MYO5C: variants seen among roughly 807,000 people sequenced by gnomAD.
MYO5C encodes the protein myosin VC.
A neutral mutation model predicts 235.7 loss-of-function variants in MYO5C; 194 were observed. That is an observed-to-expected ratio of 0.82 (90% CI 0.73 to 0.93). The LOEUF is 0.93. Ranked by LOEUF, MYO5C falls within the 40% of genes least tolerant of loss-of-function variation. MYO5C has a pLI of 0.00. For synonymous variants in MYO5C, 707 were observed against 754.8 expected, an observed-to-expected ratio of 0.94 and a Z score of 1.04; for missense variants, 2,038 against 2,127.2, an observed-to-expected ratio of 0.96 and a Z score of 0.82.
chr15:52,260,711 A>G (rs2036675146), intron 10 of MYO5C, 151 bp downstream of exon 10: 1 of 789,366 alleles, frequency 1.3e-6, no homozygotes, highest in East Asian at 2.7e-5. Flanking sequence ...ATAGCCCAGG[A>G]GAGTGTACTT....
intron 1 of MYO5C, among the ~76,000 whole-genome samples, chr15:52,285,384 A>G (rs62015972): frequency 0.57 from 82,600 of 145,568 alleles, 27,272 homozygotes; most frequent in Non-Finnish European, 0.73. Context: ...AAAAAAAAAC[A>G]AACAGGCTCT....
At chr15:52,262,544 G>A (rs758477291) in intron 9 of MYO5C, among the ~76,000 whole-genome samples, 2 of 152,140 alleles carry the variant, frequency 1.3e-5, no homozygotes, top group Non-Finnish European at 2.9e-5. Context: ...CAGGCCTCTC[G>A]TCACCTCTCT....
intron 34 of MYO5C, among the ~76,000 whole-genome samples, chr15:52,212,562 T>G (rs1371519324): frequency 2.0e-5 from 3 of 152,138 alleles, no homozygotes; most frequent in Non-Finnish European, 4.4e-5. Flanking sequence ...CTTTCTGTTT[T>G]GAGATCTTGG....
intron 8 of MYO5C, among the ~76,000 whole-genome samples, chr15:52,268,176 T>G (rs11637680): frequency 6.6e-6 from 1 of 152,134 alleles, no homozygotes; most frequent in Non-Finnish European, 1.5e-5. Flanking sequence ...AAACTCTTAG[T>G]TTTTTACATT....
intron 23 of MYO5C, among the ~76,000 whole-genome samples, chr15:52,235,280 T>C (rs1453324680): frequency 1.3e-5 from 2 of 152,162 alleles, no homozygotes; most frequent in East Asian, 3.8e-4. Flanking sequence ...ACATCAGGAT[T>C]ACCGTAAAGG....
rs189628013 is a variant in MYO5C, at chr15:52,267,772, A to G, written c.940+1981T>C. Among the ~76,000 whole-genome samples the G allele has an allele frequency of 1.1e-4, 16 of 152,092 alleles. No homozygotes were observed. The East Asian group carries it at 3.1e-3, about 29-fold the overall frequency. ...TCACATTCATTTGATCCCAAAGCCT[A>G]CTCTATTTGCCCTACATTATCTTGC... is the stretch of plus-strand genomic sequence containing the variant. On this transcript the variant is annotated intron_variant, in intron 8 of 40. Transcript: ENST00000261839.
chr15:52,294,618 C>T (rs762363565), intron 1 of MYO5C, among the ~76,000 whole-genome samples: 17 of 152,116 alleles, frequency 1.1e-4, no homozygotes, highest in Non-Finnish European at 1.9e-4. Flanking sequence ...TAGTTCCACT[C>T]GTCTGAATAC....
chr15:52,244,724 T>C (rs889712702), intron 18 of MYO5C, among the ~76,000 whole-genome samples, 157 bp from the exon 19 acceptor site: 2 of 152,308 alleles, frequency 1.3e-5, no homozygotes, highest in Non-Finnish European at 2.9e-5. Flanking sequence ...AATGTATACT[T>C]TGAGTTGTTT....
chr15:52,293,923 G>T (rs111671764), intron 1 of MYO5C, among the ~76,000 whole-genome samples: 12 of 152,292 alleles, frequency 7.9e-5, no homozygotes, highest in African/African-American at 2.9e-4. Context: ...CACACCTCCA[G>T]AACAGACAAA....
In MYO5C at chr15:52,287,228, G is replaced by A. The variant is rs145260455; in HGVS notation, c.28-4336C>T. On this transcript the variant is annotated intron_variant, in intron 1 of 40. Transcript: ENST00000261839. ...GTGTAAGTTTTGAGAGAACGAGAATGGAAGAATGACCTGGCAGGCAGTGAC... is the reference window on the plus strand; with the variant it reads ...GTGTAAGTTTTGAGAGAACGAGAATAGAAGAATGACCTGGCAGGCAGTGAC... Among the ~76,000 whole-genome samples, 13 of 152,304 alleles carry A rather than the reference G, an allele frequency of 8.5e-5. No individual in the cohort carries two copies. The East Asian group carries it at 2.5e-3, about 29-fold the overall frequency.
rs765118123 is a variant in MYO5C, at chr15:52,208,558, T to C, written c.4382A>G (p.Glu1461Gly). 2 of 1,613,750 alleles carry C rather than the reference T, an allele frequency of 1.2e-6. No individual in the cohort carries two copies. Among genetic ancestry groups the C allele is most frequent in the East Asian group, 4.5e-5 (2 of 44,866 alleles). ...AAGCAGGTGGGCGCCCCCTACCTCTTCTCCGCTGTACTGCTTCAGGCAATT... is the reference window on the plus strand; with the variant it reads ...AAGCAGGTGGGCGCCCCCTACCTCTCCTCCGCTGTACTGCTTCAGGCAATT... Reference protein sequence around the residue: ...FLNCLKQYSGEEEFMKHNSPQ... With the variant: ...FLNCLKQYSGGEEFMKHNSPQ... The change falls in exon 36 of 41, where the codon GAA (glutamate) becomes GGA (glycine). Residue 1461 changes from glutamate to glycine, a missense_variant. Physicochemically the swap from Glu to Gly is moderately conservative, Grantham distance 98. Coordinates refer to ENST00000261839, the MANE Select transcript of MYO5C (RefSeq NM_018728.4).
chr15:52,262,811 A>G (rs149549559), intron 9 of MYO5C, among the ~76,000 whole-genome samples: 9 of 152,344 alleles, frequency 5.9e-5, no homozygotes, highest in African/African-American at 1.7e-4. Context: ...TATTTGAGGG[A>G]CATGAAAACA....
intron 30 of MYO5C, among the ~76,000 whole-genome samples, chr15:52,220,854 A>G (rs1596153366): frequency 6.6e-6 from 1 of 151,758 alleles, no homozygotes; most frequent in East Asian, 1.9e-4. Flanking sequence ...TTTTTTGTAG[A>G]GATGAGGTTT....
rs1321429279 is a variant in MYO5C at position 52,295,597 on chromosome 15, C to A, written c.27+13G>T. ...CCCCACAGCGCTCCCAGGAGCCCAG[C>A]GGACCCTCCTACCTGCGTGTACAGC... On this transcript the variant is annotated intron_variant, in intron 1 of 40. Transcript: ENST00000261839. 6.7e-7 allele frequency: 1 copy of A among 1,499,216 alleles called. No individual in the cohort carries two copies. The highest frequency in any genetic ancestry group is 1.3e-5 in the South Asian group (1 of 79,266). 92.9% of individuals were successfully genotyped at this position (1,499,216 alleles called of 1,614,324 possible).
At position 52,251,641 on chromosome 15, in the gene MYO5C, TTTTATTTATTTATTTA is replaced by T. The variant is rs201403762; in HGVS notation, c.1537-142_1537-127del. ...AGTGAACTGCTCTCAATTAGAGGCT[TTTTATTTATTTATTTA>T]TTTATTTATTTATTTATTTATTTTT... On this transcript the variant is annotated intron_variant, in intron 12 of 40. Transcript: ENST00000261839. 3.0e-3 allele frequency: 957 copies of T among 324,058 alleles called. 17 individuals carry two copies. The highest frequency in any genetic ancestry group is 5.9e-3 in the Admixed American group (116 of 19,726). 20.1% of individuals were successfully genotyped at this position (324,058 alleles called of 1,614,324 possible).
At chr15:52,292,794 C>T (rs183176573) in intron 1 of MYO5C, among the ~76,000 whole-genome samples, 192 of 152,360 alleles carry the variant, frequency 1.3e-3, no homozygotes, top group African/African-American at 4.5e-3. Context: ...AGAAGAGGTC[C>T]TGCTCAAATT....
At chr15:52,210,052 C>T (rs758607773) in intron 35 of MYO5C, among the ~76,000 whole-genome samples, 6 of 152,152 alleles carry the variant, frequency 3.9e-5, no homozygotes, top group Non-Finnish European at 8.8e-5. Context: ...CAACCTCTGC[C>T]TTCCGGGCTC....
At chr15:52,271,737 C>T in intron 7 of MYO5C, 26 bp downstream of exon 7, 1 of 1,347,758 alleles carries the variant, frequency 7.4e-7, no homozygotes, top group Non-Finnish European at 1.0e-6. Context: ...AAAGAGAGAC[C>T]CTTTCATACA....
Position 52,295,802 on chromosome 15 carries a change from G to A in MYO5C, c.-166C>T, listed in dbSNP as rs1379673779. ...CTCCTGTTCCCGTTCCCGAGTTGGC[G>A]GCGAGGGGAGGGGGCAGCGGCGGGA... On this transcript the variant is annotated 5_prime_UTR_variant, in exon 1 of 41. Transcript: ENST00000261839. 1 of 467,978 alleles carries A rather than the reference G, an allele frequency of 2.1e-6. No individual in the cohort carries two copies. Among genetic ancestry groups the A allele is most frequent in the African/African-American group, 2.0e-5 (1 of 48,922 alleles). 29.0% of individuals were successfully genotyped at this position (467,978 alleles called of 1,614,324 possible). A position where few individuals can be genotyped will look rare whatever the true frequency, so the allele number is the denominator to read the frequency against.
Sources: gnomAD v4.1 joint callset for allele counts (sites outside exome capture counted in the v4.1 genomes callset) on GRCh38, gnomAD v4.1.1 for gene constraint, MANE v1.5 for transcripts, NCBI Gene and HGNC (gene_info 2026-07-23, HGNC 2026-07-21) for gene names.